The following PRDM5 variants were observed in gnomAD, a reference collection of about 807,000 sequenced individuals.
PRDM5 encodes PR/SET domain 5.
Under a neutral mutation model 81.2 loss-of-function variants are expected in PRDM5, and 56 were observed. That is an observed-to-expected ratio of 0.69 (90% CI 0.56 to 0.86). PRDM5 has a LOEUF of 0.86. PRDM5 is among the 40% of genes least tolerant of loss of function. PRDM5 has a pLI of 0.00. For missense variants in PRDM5, 697 were observed against 770.1 expected (o/e 0.91, Z 1.12); for synonymous variants, 267 against 256.4 (o/e 1.04, Z -0.39).
chr4:120,912,259 T>G (rs1366371022), intron 1 of PRDM5, among the ~76,000 whole-genome samples: 3 of 152,180 alleles, frequency 2.0e-5, no homozygotes, highest in African/African-American at 7.2e-5. Flanking sequence ...AATGTTGGCA[T>G]CAGTAACAGT....
downstream of PRDM5, among the ~76,000 whole-genome samples, chr4:120,689,622 C>G (rs1046702761): frequency 8.0e-6 from 1 of 124,828 alleles, no homozygotes; most frequent in Non-Finnish European, 1.7e-5. Flanking sequence ...TTTCTTTTTT[C>G]TTGAGACAGG....
At chr4:120,705,669 C>T (rs1390563) in intron 15 of PRDM5, among the ~76,000 whole-genome samples, 76,651 of 151,914 alleles carry the variant, frequency 0.5, 20,294 homozygotes, top group East Asian at 0.75. Context: ...CTGGTTTTCA[C>T]TCTAAATGAG....
At chr4:120,763,289 A>G (rs1745906574) in intron 13 of PRDM5, among the ~76,000 whole-genome samples, 1 of 152,102 alleles carries the variant, frequency 6.6e-6, no homozygotes, top group African/African-American at 2.4e-5. Flanking sequence ...TACTGATGCA[A>G]ATTTTTTTAA....
intron 14 of PRDM5, among the ~76,000 whole-genome samples, chr4:120,713,189 A>G (rs146631119): frequency 3.3e-5 from 5 of 152,278 alleles, no homozygotes; most frequent in African/African-American, 9.6e-5. Flanking sequence ...TCATTTTGAC[A>G]TGACCTTTTC....
At chr4:120,914,264 G>C (rs558652611) in intron 1 of PRDM5, among the ~76,000 whole-genome samples, 1 of 148,650 alleles carries the variant, frequency 6.7e-6, no homozygotes, top group Admixed American at 6.7e-5. Context: ...TGAATTGAAA[G>C]AAAGAGATAA....
intron 14 of PRDM5, among the ~76,000 whole-genome samples, chr4:120,738,801 G>A (rs1220815477): frequency 6.6e-6 from 1 of 152,130 alleles, no homozygotes; most frequent in Admixed American, 6.5e-5. Context: ...TCAGCATTAT[G>A]TAATATTTAG....
At chr4:120,920,414 T>C (rs757318977) in intron 1 of PRDM5, among the ~76,000 whole-genome samples, 23 of 152,238 alleles carry the variant, frequency 1.5e-4, no homozygotes, top group Non-Finnish European at 2.5e-4. Flanking sequence ...GATAAATCTC[T>C]CTTCTCAGAT....
At chr4:120,870,666 G>A (rs1299426247) in intron 2 of PRDM5, among the ~76,000 whole-genome samples, 4 of 152,222 alleles carry the variant, frequency 2.6e-5, no homozygotes, top group Non-Finnish European at 5.9e-5. Context: ...ACGTGAAGCT[G>A]TAAAGAGTCA....
At chr4:120,720,247 C>T (rs1375946675) in intron 14 of PRDM5, among the ~76,000 whole-genome samples, 2 of 152,134 alleles carry the variant, frequency 1.3e-5, no homozygotes, top group Non-Finnish European at 1.5e-5. Context: ...CAGACAGGGG[C>T]CTGTGGTGGT....
chr4:120,794,924 C>A (rs1312003390), intron 10 of PRDM5, among the ~76,000 whole-genome samples: 4 of 152,150 alleles, frequency 2.6e-5, no homozygotes, highest in Non-Finnish European at 4.4e-5. Flanking sequence ...CCACACCCAG[C>A]CTTCTATTCT....
At chr4:120,912,087 A>G (rs72680490) in intron 1 of PRDM5, among the ~76,000 whole-genome samples, 10,057 of 152,192 alleles carry the variant, frequency 0.066, 486 homozygotes, top group Middle Eastern at 0.19. Context: ...AATCCCTAAT[A>G]ATATTACTGA....
intron 13 of PRDM5, among the ~76,000 whole-genome samples, chr4:120,765,399 T>G (rs1443741091): frequency 2.0e-5 from 3 of 152,356 alleles, no homozygotes; most frequent in African/African-American, 7.2e-5. Flanking sequence ...CTAGAATTTC[T>G]TCCATAATTT....
At chr4:120,885,709 G>A (rs1763360370) in intron 2 of PRDM5, 1 of 151,952 alleles carries the variant, frequency 6.6e-6, no homozygotes, top group African/African-American at 2.4e-5. Context: ...CAGGAGAATT[G>A]CTTGAATCCA....
downstream of PRDM5, among the ~76,000 whole-genome samples, chr4:120,689,777 G>A (rs1419935468): frequency 2.0e-5 from 3 of 151,752 alleles, no homozygotes; most frequent in Admixed American, 6.6e-5. Flanking sequence ...ACCACACCCA[G>A]CTAATTTTTG....
In PRDM5 at chr4:120,692,704, G is replaced by C. The variant is rs867538519; in HGVS notation, c.*2407C>G. ...TACTTAGACTTTATAGGCACCTAAG[G>C]GTCTGGTCTTTTCTCAAGAAAATAC... On this transcript the variant is annotated 3_prime_UTR_variant, in exon 16 of 16. Transcript: ENST00000264808. 1 of 151,844 alleles carries C rather than the reference G, an allele frequency of 6.6e-6. No individual in the cohort carries two copies. The highest frequency in any genetic ancestry group is 1.5e-5 in the Non-Finnish European group (1 of 67,952). The allele number at this position is 151,844 out of a possible 1,614,324, so 9.4% of individuals were successfully genotyped here. A position where few individuals can be genotyped will look rare whatever the true frequency, so the allele number is the denominator to read the frequency against.
chr4:120,806,864 T>A (rs1753049057), intron 8 of PRDM5, among the ~76,000 whole-genome samples: 1 of 151,996 alleles, frequency 6.6e-6, no homozygotes, highest in African/African-American at 2.4e-5. Flanking sequence ...CTAATTAAAC[T>A]AAAGAGCTTC....
chr4:120,896,657 T>TCA (rs374407164), intron 2 of PRDM5: 60,918 of 144,648 alleles, frequency 0.42, 13,437 homozygotes, highest in East Asian at 0.51. Flanking sequence ...CTTAAATATT[T>TCA]CACACACACA....
chr4:120,816,872 G>A lies in PRDM5; in HGVS notation c.703C>T (p.Gln235Ter). ...SSLKESSRSFQCSVCNSSFSS... is the reference protein window; with the variant it reads ...SSLKESSRSF ...AAGGAAGAATTGCAAACAGAGCACT[G>A]AAAACTTCGCGAAGACTCCTTTAGA... The change falls in exon 6 of 16, where the codon CAG (glutamine) becomes TAG (stop). Residue 235 changes from glutamine to a stop codon, truncating the protein, a stop_gained. Transcript: ENST00000264808. LOFTEE classifies it high-confidence loss of function. 6.2e-7 allele frequency: 1 copy of A among 1,613,910 alleles called. No homozygotes were observed. The highest frequency in any genetic ancestry group is 8.5e-7 in the Non-Finnish European group (1 of 1,179,818).
chr4:120,789,800 T>C (rs968397526), intron 10 of PRDM5, among the ~76,000 whole-genome samples: 2 of 152,182 alleles, frequency 1.3e-5, no homozygotes, highest in African/African-American at 4.8e-5. Context: ...TCAGTTACTT[T>C]AAGCTCAGTA....
Sources: allele counts gnomAD v4.1 joint callset (sites outside exome capture counted in the v4.1 genomes callset), GRCh38; gene constraint gnomAD v4.1.1; transcripts MANE v1.5; gene names NCBI Gene and HGNC (gene_info 2026-07-23, HGNC 2026-07-21).